MERTK: variants seen among roughly 807,000 people sequenced by gnomAD.
The protein encoded by MERTK is tyrosine-protein kinase Mer.
Under a neutral mutation model 99.3 loss-of-function variants are expected in MERTK, and 69 were observed. That is an observed-to-expected ratio of 0.70 (90% confidence interval 0.57 to 0.85). The LOEUF is 0.85. MERTK is among the 40% of genes least tolerant of loss of function. The probability of loss-of-function intolerance (pLI) is 0.00; values close to 1 mark genes in which losing one functional copy is unlikely to be tolerated. For synonymous variants in MERTK, 426 were observed against 467.6 expected (o/e 0.91, Z 1.15); for missense variants, 1,125 against 1,249.4 (o/e 0.90, Z 1.50).
chr2:111,909,809 T>G (rs1045977320), intron 1 of MERTK, among the ~76,000 whole-genome samples: 20 of 152,034 alleles, frequency 1.3e-4, no homozygotes, highest in Admixed American at 7.9e-4. Context: ...TTATTGGGCA[T>G]GAGAATAAGC....
chr2:111,949,644 A>C (rs1211447270), intron 4 of MERTK, among the ~76,000 whole-genome samples: 1 of 152,236 alleles, frequency 6.6e-6, no homozygotes, highest in Non-Finnish European at 1.5e-5. Context: ...TGTACAACTC[A>C]GTGAGTTTTC....
intron 6 of MERTK, among the ~76,000 whole-genome samples, chr2:111,970,161 T>C (rs1214638714): frequency 6.6e-6 from 1 of 152,052 alleles, no homozygotes; most frequent in Admixed American, 6.6e-5. Context: ...GTTTACTTTT[T>C]TTTTTTTTAA....
intron 8 of MERTK, among the ~76,000 whole-genome samples, chr2:111,991,672 G>A (rs1056936764): frequency 5.3e-5 from 8 of 151,944 alleles, no homozygotes; most frequent in East Asian, 1.9e-4. Flanking sequence ...CATTCTTAAC[G>A]GTCATATTTT....
At chr2:111,976,657 A>G (rs1006967226) in intron 7 of MERTK, among the ~76,000 whole-genome samples, 1 of 151,992 alleles carries the variant, frequency 6.6e-6, no homozygotes, top group Non-Finnish European at 1.5e-5. Context: ...AATCATTCAA[A>G]TGGATAGGTT....
At chr2:111,994,606 C>A in intron 9 of MERTK, 1 of 704,306 alleles carries the variant, frequency 1.4e-6, no homozygotes, top group Non-Finnish European at 2.5e-6. Context: ...CCTGTCTCTA[C>A]AAAAAATATA....
intron 6 of MERTK, among the ~76,000 whole-genome samples, chr2:111,970,307 C>T (rs1376724447): frequency 6.6e-6 from 1 of 151,922 alleles, no homozygotes; most frequent in Non-Finnish European, 1.5e-5. Flanking sequence ...CAGGCGGGTG[C>T]CACCACGCCC....
chr2:111,930,399 G>A (rs1684648798), intron 2 of MERTK: 1 of 152,090 alleles, frequency 6.6e-6, no homozygotes, highest in African/African-American at 2.4e-5. Context: ...GCACTGTTCA[G>A]TAGTGGGATT....
intron 2 of MERTK, among the ~76,000 whole-genome samples, chr2:111,936,572 A>C (rs1267038529): frequency 6.6e-6 from 1 of 151,970 alleles, no homozygotes; most frequent in Non-Finnish European, 1.5e-5. Flanking sequence ...TTTCACTTGG[A>C]TGTCTGTTAT....
At position 112,029,100 on chromosome 2, in the gene MERTK, T is replaced by C. The variant is rs572792486; in HGVS notation, c.*236T>C. 1.8e-5 allele frequency: 22 copies of C among 1,217,608 alleles called. No individual in the cohort carries two copies. The South Asian group carries it at 5.1e-4, about 28-fold the overall frequency. 75.4% of individuals were successfully genotyped at this position (1,217,608 alleles called of 1,614,324 possible). Reference sequence around the variant, plus strand: ...AGACAAGGATATTTTAATAAAACATTACTTATTTCATTTCACTTATCTTGC... The same window carrying C: ...AGACAAGGATATTTTAATAAAACATCACTTATTTCATTTCACTTATCTTGC... On this transcript the variant is annotated 3_prime_UTR_variant, in exon 19 of 19. Transcript: ENST00000295408.
chr2:112,004,325 G>T (rs755745311), intron 13 of MERTK, among the ~76,000 whole-genome samples: 6 of 152,022 alleles, frequency 3.9e-5, no homozygotes, highest in Non-Finnish European at 5.9e-5. Context: ...GCTGAGGCAG[G>T]GGTGATCTAA....
chr2:111,972,586 T>G (rs1350549188), intron 6 of MERTK, among the ~76,000 whole-genome samples: 1 of 152,194 alleles, frequency 6.6e-6, no homozygotes, highest in Non-Finnish European at 1.5e-5. Context: ...CAGTGTTTTC[T>G]TGCCCACCTT....
At chr2:111,944,399 A>G (rs1684920202) in intron 2 of MERTK, among the ~76,000 whole-genome samples, 2 of 1,880 alleles carry the variant, frequency 1.1e-3, no homozygotes, top group Non-Finnish European at 7.1e-4. Context: ...CTGTGTCTAC[A>G]GCTTTATCTA....
chr2:111,943,454 G>A (rs562458331), intron 2 of MERTK, among the ~76,000 whole-genome samples: 91 of 152,130 alleles, frequency 6.0e-4, no homozygotes, highest in African/African-American at 2.2e-3. Context: ...TGGGAAGATG[G>A]CTTGAGCCCA....
intron 8 of MERTK, among the ~76,000 whole-genome samples, chr2:111,991,627 C>A (rs568843702): frequency 6.6e-6 from 1 of 152,250 alleles, no homozygotes; most frequent in East Asian, 1.9e-4. Flanking sequence ...TGGCAAATCT[C>A]ATAGACTCGG....
At chr2:111,937,671 C>T (rs1210369061) in intron 2 of MERTK, among the ~76,000 whole-genome samples, 1 of 152,108 alleles carries the variant, frequency 6.6e-6, no homozygotes, top group Non-Finnish European at 1.5e-5. Flanking sequence ...GCAATGAGAA[C>T]AGAATCTAGA....
chr2:111,931,237 T>C (rs1250945593), intron 2 of MERTK, among the ~76,000 whole-genome samples: 3 of 152,108 alleles, frequency 2.0e-5, no homozygotes, highest in Non-Finnish European at 4.4e-5. Flanking sequence ...TAGGCTTGCT[T>C]AGTGGATAAT....
At chr2:111,969,782 C>T (rs1194390771) in intron 6 of MERTK, among the ~76,000 whole-genome samples, 2 of 151,660 alleles carry the variant, frequency 1.3e-5, no homozygotes, top group African/African-American at 2.4e-5. Flanking sequence ...AGCTCCACCT[C>T]CCGGGTTCAC....
intron 1 of MERTK, among the ~76,000 whole-genome samples, chr2:111,905,838 T>G (rs1261517606): frequency 4.6e-5 from 7 of 152,162 alleles, no homozygotes; most frequent in Admixed American, 3.3e-4. Flanking sequence ...TATCAGTGCT[T>G]CTTTCACTCA....
chr2:112,003,967 C>T lies in MERTK; in HGVS notation c.1850C>T (p.Ala617Val). 2.5e-6 allele frequency: 4 copies of T among 1,612,910 alleles called. No individual in the cohort carries two copies. Among genetic ancestry groups the T allele is most frequent in the Non-Finnish European group, 3.4e-6 (4 of 1,179,058 alleles). ...GAAGATGGGACCTCTCTGAAAGTGG[C>T]AGTGAAGACCATGAAGTGTGAGTTA... ...KQEDGTSLKV[A>V]VKTMKLDNSS... The change falls in exon 13 of 19, where the codon GCA (alanine) becomes GTA (valine). Residue 617 changes from alanine to valine, a missense_variant. Coordinates refer to ENST00000295408, the MANE Select transcript of MERTK (RefSeq NM_006343.3).
Sources: allele counts gnomAD v4.1 joint callset (sites outside exome capture counted in the v4.1 genomes callset), GRCh38; gene constraint gnomAD v4.1.1; transcripts MANE v1.5; gene names NCBI Gene and HGNC (gene_info 2026-07-23, HGNC 2026-07-21).